The following LEF1 variants were observed in gnomAD, a reference collection of about 807,000 sequenced individuals.
The protein encoded by LEF1 is lymphoid enhancer-binding factor 1.
In LEF1, 14 loss-of-function variants were observed where a neutral mutation model predicts 51.2. The ratio of observed to expected loss-of-function variants is 0.27; its 90% CI spans 0.18 to 0.43. The LOEUF is 0.43. Among genes scored for constraint, LEF1 ranks in the 20% least tolerant of loss-of-function variants. The pLI is 1.00. For missense variants in LEF1, 386 were observed against 512.0 expected, an observed-to-expected ratio of 0.75 and a Z score of 2.37; for synonymous variants, 185 against 183.2, an observed-to-expected ratio of 1.01 and a Z score of -0.08.
intron 3 of LEF1, among the ~76,000 whole-genome samples, chr4:108,136,422 T>C (rs1425035390): frequency 3.9e-5 from 6 of 151,996 alleles, no homozygotes; most frequent in African/African-American, 1.4e-4. Flanking sequence ...TACAGTTATA[T>C]AGCATATTGC....
intron 11 of LEF1, among the ~76,000 whole-genome samples, chr4:108,056,266 G>A (rs1051137387): frequency 2.0e-5 from 3 of 152,224 alleles, no homozygotes; most frequent in Admixed American, 6.5e-5. Context: ...AGGGAAGGAG[G>A]AAGTGATTTT....
At chr4:108,133,710 C>T (rs541772978) in intron 3 of LEF1, among the ~76,000 whole-genome samples, 118 of 152,278 alleles carry the variant, frequency 7.7e-4, no homozygotes, top group African/African-American at 2.7e-3. Context: ...GGGGTTGGGA[C>T]GGACTTTAGA....
At chr4:108,157,173 T>TACACAC (rs1371267234) in intron 3 of LEF1, among the ~76,000 whole-genome samples, 1,379 of 66,910 alleles carry the variant, frequency 0.021, 13 homozygotes, top group Non-Finnish European at 0.032. Context: ...TCTCTCTATA[T>TACACAC]ATATATACAC....
At chr4:108,129,516 A>AT (rs780588792) in intron 3 of LEF1, among the ~76,000 whole-genome samples, 14 of 152,222 alleles carry the variant, frequency 9.2e-5, no homozygotes, top group South Asian at 2.1e-4. Context: ...GCTTTGTTCT[A>AT]TAAAAACATG....
intron 3 of LEF1, among the ~76,000 whole-genome samples, chr4:108,126,129 A>G (rs1578373175): frequency 6.6e-6 from 1 of 152,232 alleles, no homozygotes; most frequent in East Asian, 1.9e-4. Context: ...CTAAGGACTT[A>G]AAGCTCCAGT....
At chr4:108,098,645 C>G (rs1021508763) in intron 3 of LEF1, among the ~76,000 whole-genome samples, 1 of 152,070 alleles carries the variant, frequency 6.6e-6, no homozygotes, top group Admixed American at 6.5e-5. Context: ...TCCCACCGAG[C>G]CTTCTCTGAT....
At chr4:108,163,743 CTTTTA>C in intron 2 of LEF1, 42 bp from the exon 3 acceptor site, 3 of 1,595,670 alleles carry the variant, frequency 1.9e-6, no homozygotes, top group Non-Finnish European at 2.6e-6. Context: ...ACTGACTTCC[CTTTTA>C]TATTACTGTA....
intron 3 of LEF1, among the ~76,000 whole-genome samples, chr4:108,121,709 C>T (rs949958942): frequency 6.6e-6 from 1 of 152,206 alleles, no homozygotes; most frequent in African/African-American, 2.4e-5. Context: ...GGCCACTAGT[C>T]CCTGCCTGCA....
At chr4:108,145,009 G>A (rs557111571) in intron 3 of LEF1, among the ~76,000 whole-genome samples, 15 of 152,026 alleles carry the variant, frequency 9.9e-5, no homozygotes, top group African/African-American at 2.9e-4. Context: ...TAGGGTTCCC[G>A]TTTACTTTCC....
chr4:108,123,432 G>GT (rs34015287), intron 3 of LEF1, among the ~76,000 whole-genome samples: 5,701 of 72,338 alleles, frequency 0.079, 464 homozygotes, highest in African/African-American at 0.13. Context: ...GCTAGGGTTG[G>GT]TTTTTTTTTT....
intron 4 of LEF1, 78 bp from the exon 5 acceptor site, chr4:108,083,524 C>A: frequency 1.2e-6 from 1 of 844,964 alleles, no homozygotes; most frequent in South Asian, 1.7e-5. Flanking sequence ...TGTTTTATAC[C>A]ATTCATACTT....
chr4:108,139,681 G>C (rs535433560), intron 3 of LEF1, among the ~76,000 whole-genome samples: 15 of 152,206 alleles, frequency 9.9e-5, no homozygotes, highest in Non-Finnish European at 1.9e-4. Context: ...CATTTTGTGA[G>C]AGACCTTTAG....
chr4:108,094,421 C>T (rs1463274211), intron 3 of LEF1, among the ~76,000 whole-genome samples: 1 of 152,220 alleles, frequency 6.6e-6, no homozygotes, highest in Admixed American at 6.5e-5. Flanking sequence ...GTGGGTGCCA[C>T]TTAGGGATCC....
At chr4:108,065,798 T>C (rs1455686145) in intron 9 of LEF1, among the ~76,000 whole-genome samples, 1 of 152,240 alleles carries the variant, frequency 6.6e-6, no homozygotes, top group Non-Finnish European at 1.5e-5. Flanking sequence ...TTTTAGTTAT[T>C]TGAAAATACC....
chr4:108,079,403 G>A, intron 7 of LEF1, 89 bp downstream of exon 7: 1 of 1,421,508 alleles, frequency 7.0e-7, no homozygotes, highest in Non-Finnish European at 9.9e-7. Context: ...CAACACAAAG[G>A]GGTGAAGGAT....
At chr4:108,087,758 G>T (rs1210474120) in intron 4 of LEF1, among the ~76,000 whole-genome samples, 1 of 152,172 alleles carries the variant, frequency 6.6e-6, no homozygotes, top group Non-Finnish European at 1.5e-5. Flanking sequence ...ATGCTGGTCT[G>T]AGATTGTGAC....
chr4:108,057,833 T>C (rs891141433), intron 11 of LEF1, among the ~76,000 whole-genome samples: 1 of 152,206 alleles, frequency 6.6e-6, no homozygotes, highest in Non-Finnish European at 1.5e-5. Flanking sequence ...CTGAAGTTTT[T>C]ATTTAGCCAA....
rs1364323486 is a variant in LEF1 at position 108,066,648 on chromosome 4, T to C, written c.1117-2264A>G. On this transcript the variant is annotated intron_variant, in intron 9 of 11. Coordinates refer to ENST00000265165, the MANE Select transcript of LEF1 (RefSeq NM_016269.5). ...TACCTTCTAGGATATCAACCAGTTC[T>C]TCAAGAGAATCTACATTTATGATAG... 2.6e-5 allele frequency among the ~76,000 whole-genome samples: 4 copies of C among 152,356 alleles called. No homozygotes were observed. In the East Asian group the frequency reaches 5.8e-4, roughly 22 times the overall value.
intron 3 of LEF1, among the ~76,000 whole-genome samples, chr4:108,097,413 G>GT (rs1350675965): frequency 6.6e-6 from 1 of 152,236 alleles, no homozygotes; most frequent in Admixed American, 6.5e-5. Context: ...GAGATACAGA[G>GT]TAGAATGATG....
Sources: gnomAD v4.1 joint callset for allele counts (sites outside exome capture counted in the v4.1 genomes callset) on GRCh38, gnomAD v4.1.1 for gene constraint, MANE v1.5 for transcripts, NCBI Gene and HGNC (gene_info 2026-07-23, HGNC 2026-07-21) for gene names.